ITPA: variants seen among roughly 807,000 people sequenced by gnomAD.
The protein encoded by ITPA is inosine triphosphatase.
A neutral mutation model predicts 29.6 loss-of-function variants in ITPA; 29 were observed. The ratio of observed to expected loss-of-function variants is 0.98; its 90% CI spans 0.73 to 1.34. The LOEUF (loss-of-function observed/expected upper bound fraction) is 1.34. Among genes scored for constraint, ITPA ranks in the 40% most tolerant of loss-of-function variants. The pLI is 0.00. For missense variants in ITPA, 241 were observed against 251.5 expected (o/e 0.96, Z 0.28); for synonymous variants, 103 against 99.3 (o/e 1.04, Z -0.22).
At chr20:3,219,388 T>C (rs1568517149) in intron 6 of ITPA, among the ~76,000 whole-genome samples, 1 of 151,714 alleles carries the variant, frequency 6.6e-6, no homozygotes, top group Non-Finnish European at 1.5e-5. Context: ...GCGGGAGGCT[T>C]TCTTGAGCCC....
In ITPA at chr20:3,216,192, C is replaced by T. The variant is rs368703211; in HGVS notation, c.295+880C>T. ...TTTTTTTTTTTGAGACAAAGTCTTG[C>T]TCTGTCGCCCAGGCTGGAGTGCAGT... On this transcript the variant is annotated intron_variant, in intron 5 of 7. Transcript: ENST00000380113. 3.7e-5 allele frequency among the ~76,000 whole-genome samples: 5 copies of T among 133,840 alleles called. No individual in the cohort carries two copies. The East Asian group carries it at 1.2e-3, about 31-fold the overall frequency. 87.8% of individuals were successfully genotyped at this position (133,840 alleles called of 152,430 possible).
chr20:3,207,855 C>T (rs184104842), upstream of ITPA, among the ~76,000 whole-genome samples: 147 of 146,170 alleles, frequency 1.0e-3, 1 homozygote, highest in African/African-American at 3.6e-3. Context: ...ATTAGCTGGG[C>T]GTCGTGGGGG....
chr20:3,213,664 C>T (rs1325076000), intron 3 of ITPA, among the ~76,000 whole-genome samples: 1 of 152,162 alleles, frequency 6.6e-6, no homozygotes, highest in Admixed American at 6.6e-5. Context: ...TACATCCTCC[C>T]CACACACATC....
In ITPA at chr20:3,213,303, C is replaced by G. The variant is rs767824484; in HGVS notation, c.125-16C>G. 7 of 1,613,982 alleles carry G rather than the reference C, an allele frequency of 4.3e-6. No individual in the cohort carries two copies. The East Asian group carries it at 1.6e-4, about 36-fold the overall frequency. ...TCCTGTGACCTGACTTTCTGTGTGT[C>G]TGTTTCCCTGATAAGTGCCGGAGTA... On this transcript the variant is annotated splice_polypyrimidine_tract_variant and intron_variant, in intron 2 of 7. Transcript: ENST00000380113.
downstream of ITPA, chr20:3,227,436 G>C: frequency 3.1e-6 from 1 of 326,478 alleles, no homozygotes. Flanking sequence ...AGAAACAGGA[G>C]CTTTATTCTC....
rs1257019699 is a variant in ITPA, at chr20:3,223,419, C to G, written c.542C>G (p.Ala181Gly). 1 of 1,613,740 alleles carries G rather than the reference C, an allele frequency of 6.2e-7. No individual in the cohort carries two copies. The highest frequency in any genetic ancestry group is 2.2e-5 in the East Asian group (1 of 44,892). The change falls in exon 8 of 8, where the codon GCC becomes GGC. Residue 181 changes from alanine (A) to glycine (G), a missense_variant. By Grantham distance (60) the Ala-to-Gly change is moderately conservative. Transcript: ENST00000380113. The stretch of plus-strand genomic sequence containing the variant: ...AACGCTGTCTCCCATCGCTTCCGGG[C>G]CCTGCTGGAGCTGCAGGAGTACTTT... ...EKNAVSHRFR[A>G]LLELQEYFGS...
intron 6 of ITPA, chr20:3,219,075 CA>C: frequency 4.9e-6 from 1 of 203,548 alleles, no homozygotes; most frequent in Non-Finnish European, 1.0e-5. Context: ...ACACTTGGAT[CA>C]AAGCTACATC....
At chr20:3,207,696 A>AAACAACAACAACAACAACAACAACAAC (rs369887745), upstream of ITPA, among the ~76,000 whole-genome samples, 22 of 150,696 alleles carry the variant, frequency 1.5e-4, no homozygotes, top group Non-Finnish European at 2.5e-4. Flanking sequence ...CTCCATCTCA[A>AAACAACAACAACAACAACAACAACAAC]AACAACAACA....
rs371144538 is a variant in ITPA at position 3,223,493 on chromosome 20, G to A, written c.*31G>A. ...GCAGCTGGAGGAGGCCCCTCAGGCC[G>A]GGGATCTGGGGAGGGCTAGCCCAAA... On this transcript the variant is annotated 3_prime_UTR_variant, in exon 8 of 8. Coordinates refer to ENST00000380113, the MANE Select transcript of ITPA (RefSeq NM_033453.4). 4.2e-5 allele frequency: 66 copies of A among 1,552,946 alleles called. No individual in the cohort carries two copies. The Middle Eastern group carries it at 7.4e-4, about 17-fold the overall frequency.
intron 1 of ITPA, among the ~76,000 whole-genome samples, chr20:3,210,647 T>C (rs2122286554): frequency 6.6e-6 from 1 of 152,176 alleles, no homozygotes; most frequent in East Asian, 1.9e-4. Flanking sequence ...GAAAAAAGGT[T>C]TGGGATCCTG....
upstream of ITPA, among the ~76,000 whole-genome samples, chr20:3,206,422 G>A (rs1013617318): frequency 1.4e-5 from 2 of 141,736 alleles, no homozygotes; most frequent in African/African-American, 2.6e-5. Flanking sequence ...GCTGGGCACC[G>A]TGGCTCACGC....
At chr20:3,225,764 C>A (rs2067547692), downstream of ITPA, among the ~76,000 whole-genome samples, 1 of 152,230 alleles carries the variant, frequency 6.6e-6, no homozygotes, top group Non-Finnish European at 1.5e-5. Flanking sequence ...CTTGGTGGCT[C>A]ATGCCTGTAA....
At chr20:3,221,211 TTTC>T (rs1373873367) in intron 6 of ITPA, among the ~76,000 whole-genome samples, 6 of 130,146 alleles carry the variant, frequency 4.6e-5, no homozygotes, top group Admixed American at 1.4e-4. Flanking sequence ...TTTTCTTTTC[TTTC>T]TTTTTTTTTT....
upstream of ITPA, among the ~76,000 whole-genome samples, chr20:3,205,172 A>T (rs2067062134): frequency 6.6e-6 from 1 of 152,170 alleles, no homozygotes; most frequent in Admixed American, 6.5e-5. Flanking sequence ...AAAAATCACT[A>T]AACAATCCCA....
upstream of ITPA, chr20:3,204,460 G>T: frequency 7.0e-7 from 1 of 1,430,014 alleles, no homozygotes; most frequent in South Asian, 1.3e-5. Flanking sequence ...CGCAGGAGCC[G>T]CGGCGCGACG....
chr20:3,215,073 T>C, intron 4 of ITPA: 1 of 584,570 alleles, frequency 1.7e-6, no homozygotes, highest in South Asian at 2.0e-5. Flanking sequence ...TGCTACGTTG[T>C]CCAAGCTTTT....
At chr20:3,212,753 C>T (rs2067201773) in intron 1 of ITPA, among the ~76,000 whole-genome samples, 1 of 151,988 alleles carries the variant, frequency 6.6e-6, no homozygotes, top group African/African-American at 2.4e-5. Context: ...GGTTTGTTAC[C>T]TATATTCATA....
At chr20:3,212,209 C>T (rs2067190674) in intron 1 of ITPA, among the ~76,000 whole-genome samples, 1 of 151,808 alleles carries the variant, frequency 6.6e-6, no homozygotes, top group African/African-American at 2.4e-5. Context: ...CAAAGGAAGT[C>T]AACTAAAGTG....
chr20:3,217,062 G>A (rs2067323415), intron 5 of ITPA, among the ~76,000 whole-genome samples: 1 of 151,864 alleles, frequency 6.6e-6, no homozygotes, highest in Admixed American at 6.6e-5. Flanking sequence ...TGTATTTTTA[G>A]TAGAGACAGG....
Sources: gnomAD v4.1 joint callset for allele counts (sites outside exome capture counted in the v4.1 genomes callset) on GRCh38, gnomAD v4.1.1 for gene constraint, MANE v1.5 for transcripts, NCBI Gene and HGNC (gene_info 2026-07-23, HGNC 2026-07-21) for gene names.